RGS12: variants seen among roughly 807,000 people sequenced by gnomAD.
The protein encoded by RGS12 is regulator of G protein signaling 12, also known as regulator of G-protein signaling 12.
RGS12 carries 66 observed loss-of-function variants against 120.1 expected under a neutral mutation model. The ratio of observed to expected loss-of-function variants is 0.55; its 90% CI spans 0.45 to 0.67. The LOEUF is 0.67. Ranked by LOEUF, RGS12 falls within the 30% of genes least tolerant of loss-of-function variation. The pLI is 0.00. For missense variants in RGS12, 1,859 were observed against 1,957.7 expected (o/e 0.95, Z 0.95); for synonymous variants, 827 against 804.7 (o/e 1.03, Z -0.47).
intron 1 of RGS12, among the ~76,000 whole-genome samples, chr4:3,309,767 T>C (rs1201650537): frequency 9.8e-4 from 97 of 99,372 alleles, no homozygotes; most frequent in Middle Eastern, 8.1e-3. Context: ...GAGCTGGGAC[T>C]CGGGAATGGC....
At chr4:3,363,480 G>A (rs561260180) in intron 3 of RGS12, among the ~76,000 whole-genome samples, 3 of 151,634 alleles carry the variant, frequency 2.0e-5, no homozygotes, top group East Asian at 1.9e-4. Flanking sequence ...GTAAGGAGCC[G>A]CGGGGCCTGA....
rs1228336826 is a variant in RGS12, at chr4:3,423,618, C to G, written c.3211C>G (p.Leu1071Val). 2.5e-6 allele frequency: 4 copies of G among 1,610,250 alleles called. No homozygotes were observed. The highest frequency in any genetic ancestry group is 3.4e-6 in the Non-Finnish European group (4 of 1,179,720). ...RPVVARYGLDLSGLLVRLSGE... is the reference protein window; with the variant it reads ...RPVVARYGLDVSGLLVRLSGE... ...CGTGGTGGCCAGATACGGCCTGGAC[C>G]TCAGTGGCCTGCTGGTGAGGCTGGT... Residue 1071 changes from leucine to valine, a missense_variant, in exon 13 of 18, where the codon CTC (leucine) becomes GTC (valine). By Grantham distance (32) the Leu-to-Val change is conservative (BLOSUM62 1). Around this residue, in one of 3 missense-constraint regions of RGS12, gnomAD observed 375 missense variants for 475.0 expected, o/e 0.79. Coordinates refer to ENST00000336727, the MANE Select transcript of RGS12 (RefSeq NM_001394154.1).
At chr4:3,309,715 T>C (rs866604689) in intron 1 of RGS12, among the ~76,000 whole-genome samples, 7,045 of 35,436 alleles carry the variant, frequency 0.2, 14 homozygotes, top group Middle Eastern at 0.28. Context: ...AGCTGGGACC[T>C]GGGAATGGCA....
At chr4:3,347,409 A>G (rs966427585) in intron 3 of RGS12, among the ~76,000 whole-genome samples, 1 of 152,206 alleles carries the variant, frequency 6.6e-6, no homozygotes, top group Non-Finnish European at 1.5e-5. Context: ...CCGCCACTGC[A>G]CTCCAGCCTA....
chr4:3,393,308 C>G (rs1719693670), intron 4 of RGS12, among the ~76,000 whole-genome samples: 1 of 152,216 alleles, frequency 6.6e-6, no homozygotes, highest in South Asian at 2.1e-4. Flanking sequence ...CCGCCGCAGC[C>G]CCCGGCTGAT....
rs1244561545 is a variant in RGS12, at chr4:3,366,702, C to T, written c.1999-19714C>T. 6.6e-6 allele frequency among the ~76,000 whole-genome samples: 1 copy of T among 152,164 alleles called. No homozygotes were observed. Among genetic ancestry groups the T allele is most frequent in the African/African-American group, 2.4e-5 (1 of 41,430 alleles). The stretch of plus-strand genomic sequence containing the variant: ...AGGCATGGCCGGAAAGCTCAGGAGG[C>T]CCTGGTTAGGCTGGGGCATCACGGG... On this transcript the variant is annotated intron_variant, in intron 3 of 17. Coordinates refer to ENST00000336727, the MANE Select transcript of RGS12 (RefSeq NM_001394154.1). This position sits in a 1 kb window ranked among gnomAD's most constrained non-coding sequence, Gnocchi z 4.0.
In RGS12 at chr4:3,392,031, A is replaced by C. The variant is rs556891489; in HGVS notation, c.2020+5594A>C. The stretch of plus-strand genomic sequence containing the variant: ...ATGTTAATAGATTTGCTCTCAGGAG[A>C]GTATGTATGAAGTTTGCAGAAAGAA... On this transcript the variant is annotated intron_variant, in intron 4 of 17. Transcript: ENST00000336727. Among the ~76,000 whole-genome samples, 64 of 152,236 alleles carry C rather than the reference A, an allele frequency of 4.2e-4. 1 individual carries two copies. The South Asian group carries it at 0.013, about 32-fold the overall frequency.
At chr4:3,383,727 G>A (rs1160272837) in intron 3 of RGS12, among the ~76,000 whole-genome samples, 4 of 152,176 alleles carry the variant, frequency 2.6e-5, no homozygotes, top group Non-Finnish European at 4.4e-5. Context: ...TCCGTGCACT[G>A]TCTTAGAGCC....
At chr4:3,437,421 C>T (rs28718788) in intron 17 of RGS12, among the ~76,000 whole-genome samples, 1 of 152,174 alleles carries the variant, frequency 6.6e-6, no homozygotes, top group Non-Finnish European at 1.5e-5. Flanking sequence ...CCTTCAGAGC[C>T]CTATGAACAC....
chr4:3,399,972 T>C (rs906609710), intron 4 of RGS12, among the ~76,000 whole-genome samples: 2 of 152,250 alleles, frequency 1.3e-5, no homozygotes, highest in Non-Finnish European at 2.9e-5. Flanking sequence ...AATCAGGTCA[T>C]GGCTCTCAGC....
In RGS12 at chr4:3,416,922, C is replaced by G; in HGVS notation, c.2437C>G (p.Leu813Val). 1.3e-6 allele frequency: 2 copies of G among 1,599,938 alleles called. No homozygotes were observed. The highest frequency in any genetic ancestry group is 1.7e-6 in the Non-Finnish European group (2 of 1,168,942). ...TACATCTTCTCCCCAGATCTTCAATCTCATGAAGTTTGATAGCTACACTCG... is the reference window on the plus strand; with the variant it reads ...TACATCTTCTCCCCAGATCTTCAATGTCATGAAGTTTGATAGCTACACTCG... ...FKEQQLQIFN[L>V]MKFDSYTRFL... Residue 813 changes from leucine (L) to valine (V), a missense_variant, in exon 8 of 18, where the codon CTC becomes GTC. Coordinates refer to ENST00000336727, the MANE Select transcript of RGS12 (RefSeq NM_001394154.1).
chr4:3,339,248 T>C (rs1425573028), intron 2 of RGS12, among the ~76,000 whole-genome samples: 1 of 152,136 alleles, frequency 6.6e-6, no homozygotes, highest in African/African-American at 2.4e-5. Flanking sequence ...TTTGGGATGC[T>C]GAGGTAAGTG....
intron 16 of RGS12, among the ~76,000 whole-genome samples, chr4:3,428,913 G>A (rs1257743824): frequency 6.6e-6 from 1 of 152,186 alleles, no homozygotes; most frequent in Non-Finnish European, 1.5e-5. Flanking sequence ...CTGAGTGCCA[G>A]GCCTCCTAGG....
chr4:3,439,281 A>T (rs1725103977), intron 17 of RGS12, among the ~76,000 whole-genome samples, 174 bp from the exon 18 acceptor site: 1 of 151,898 alleles, frequency 6.6e-6, no homozygotes. Context: ...CCCTGGGCGT[A>T]CCTGCCCCAG....
rs375410795 is a variant in RGS12 at position 3,317,240 on chromosome 4, G to T, written c.1070G>T (p.Arg357Leu). Residue 357 changes from arginine to leucine, a missense_variant, in exon 2 of 18, where the codon CGG becomes CTG. Arg to Leu is a moderately radical substitution (Grantham distance 102). This residue lies in a region of RGS12 where 967 missense variants were observed against 994.2 expected (regional missense o/e 0.97). Coordinates refer to ENST00000336727, the MANE Select transcript of RGS12 (RefSeq NM_001394154.1). ...CACAAGATCCACCAAGGCATTGCTC[G>T]GCGGTTTGGGTTTGAGTGCACGGCC... ...FNHKIHQGIA[R>L]RFGFECTADP... is the part of the protein sequence containing the mutation. 1.9e-6 allele frequency: 3 copies of T among 1,614,038 alleles called. No individual in the cohort carries two copies. The African/African-American group carries it at 4.0e-5, about 22-fold the overall frequency.
intron 1 of RGS12, among the ~76,000 whole-genome samples, chr4:3,310,061 CGTGTGGGGG>C (rs1724278319): frequency 7.1e-6 from 1 of 140,946 alleles, no homozygotes; most frequent in African/African-American, 2.8e-5. Flanking sequence ...TGAGGGGAAC[CGTGTGGGGG>C]AGGAGCTGGG....
chr4:3,321,202 A>G (rs2108688398), intron 2 of RGS12, among the ~76,000 whole-genome samples: 1 of 152,336 alleles, frequency 6.6e-6, no homozygotes, highest in East Asian at 1.9e-4. Context: ...GGCTAAGGTC[A>G]TCAGTGTGGA....
At chr4:3,412,382 A>G (rs959065313) in intron 4 of RGS12, among the ~76,000 whole-genome samples, 1 of 152,176 alleles carries the variant, frequency 6.6e-6, no homozygotes, top group African/African-American at 2.4e-5. Flanking sequence ...GGCTGAATCC[A>G]TAAGGTTTAG....
At chr4:3,307,793 C>A (rs113617752) in intron 1 of RGS12, among the ~76,000 whole-genome samples, 5,275 of 152,288 alleles carry the variant, frequency 0.035, 293 homozygotes, top group African/African-American at 0.12. Flanking sequence ...CTTTAAGTGC[C>A]CTGGTGTTTG....
Sources: gnomAD v4.1 joint callset for allele counts (sites outside exome capture counted in the v4.1 genomes callset) on GRCh38, gnomAD v4.1.1 for gene constraint, gnomAD v4.1.1 regional missense constraint, Gnocchi (gnomAD v3.1) non-coding constraint, MANE v1.5 for transcripts, NCBI Gene and HGNC (gene_info 2026-07-23, HGNC 2026-07-21) for gene names.